The following CNTN4 variants were observed in gnomAD, a reference collection of about 807,000 sequenced individuals.
CNTN4 encodes contactin-4.
Under a neutral mutation model 122.5 loss-of-function variants are expected in CNTN4, and 77 were observed. That is an observed-to-expected ratio of 0.63 (90% CI 0.52 to 0.76). The LOEUF (loss-of-function observed/expected upper bound fraction) is 0.76. Among genes scored for constraint, CNTN4 ranks in the 30% least tolerant of loss-of-function variants. The probability of loss-of-function intolerance (pLI) is 0.00; values close to 1 mark genes in which losing one functional copy is unlikely to be tolerated. For missense variants in CNTN4, 1,256 were observed against 1,259.1 expected (o/e 1.00, Z 0.04); for synonymous variants, 512 against 447.0 (o/e 1.15, Z -1.83).
intron 13 of CNTN4, among the ~76,000 whole-genome samples, chr3:2,958,158 C>A (rs796515285): frequency 1.6e-4 from 25 of 152,270 alleles, no homozygotes; most frequent in African/African-American, 6.0e-4. Flanking sequence ...AACAGAAAAT[C>A]TCCATGCTTC....
Position 2,298,679 on chromosome 3 carries a change from G to T in CNTN4, c.-144-40499G>T, listed in dbSNP as rs559689475. On this transcript the variant is annotated intron_variant, in intron 2 of 24. Transcript: ENST00000418658. ...ATATAGCTACATTTCAACCAAAAAA[G>T]TATTGTGTATGAAATATATATTCTA... Among the ~76,000 whole-genome samples the T allele has an allele frequency of 7.2e-5, 11 of 152,180 alleles. No individual in the cohort carries two copies. The South Asian group carries it at 2.3e-3, about 32-fold the overall frequency.
chr3:2,349,704 G>A (rs2044535326), intron 3 of CNTN4, among the ~76,000 whole-genome samples: 1 of 152,148 alleles, frequency 6.6e-6, no homozygotes, highest in Non-Finnish European at 1.5e-5. Context: ...CAGAATATTA[G>A]CATAGCTCTG....
rs540207182 is a variant in CNTN4 at position 2,358,496 on chromosome 3, G to A, written c.-89+19263G>A. On this transcript the variant is annotated intron_variant, in intron 3 of 24. Transcript: ENST00000418658. Reference sequence around the variant, plus strand: ...GCATCTAGAATGCTCTTGGTGACTGGAATAAGTTTTAATTGTAATCAAAAC... The same window carrying A: ...GCATCTAGAATGCTCTTGGTGACTGAAATAAGTTTTAATTGTAATCAAAAC... Among the ~76,000 whole-genome samples, 17 of 151,708 alleles carry A rather than the reference G, an allele frequency of 1.1e-4. No homozygotes were observed. The South Asian group carries it at 3.6e-3, about 32-fold the overall frequency.
intron 12 of CNTN4, among the ~76,000 whole-genome samples, chr3:2,924,861 A>G (rs2094458444): frequency 6.6e-6 from 1 of 152,192 alleles, no homozygotes; most frequent in Admixed American, 6.5e-5. Context: ...GTTCTCTAAT[A>G]GAGATATATA....
chr3:2,931,652 A>G (rs2094521432), intron 13 of CNTN4, among the ~76,000 whole-genome samples: 1 of 152,282 alleles, frequency 6.6e-6, no homozygotes, highest in African/African-American at 2.4e-5. Flanking sequence ...TTTTAGAGAC[A>G]GAGTCTTGCT....
At chr3:2,460,119 G>T (rs1333678962) in intron 3 of CNTN4, among the ~76,000 whole-genome samples, 1 of 151,846 alleles carries the variant, frequency 6.6e-6, no homozygotes, top group Non-Finnish European at 1.5e-5. Flanking sequence ...TAGAGTTAAA[G>T]GTCTTTCACT....
At chr3:2,480,461 C>A (rs1228009255) in intron 3 of CNTN4, among the ~76,000 whole-genome samples, 1 of 152,106 alleles carries the variant, frequency 6.6e-6, no homozygotes, top group African/African-American at 2.4e-5. Flanking sequence ...GACTGACTTT[C>A]CTGTATATCA....
chr3:2,251,449 A>AGGG (rs1327019454), intron 2 of CNTN4, among the ~76,000 whole-genome samples: 1 of 151,944 alleles, frequency 6.6e-6, no homozygotes, highest in Non-Finnish European at 1.5e-5. Context: ...GTCTGGAAAC[A>AGGG]GGGCTTTCAG....
intron 15 of CNTN4, among the ~76,000 whole-genome samples, chr3:3,027,255 T>C (rs975358196): frequency 6.6e-6 from 1 of 152,208 alleles, no homozygotes; most frequent in Non-Finnish European, 1.5e-5. Context: ...TCAATGACTG[T>C]TGTCTCAGTT....
At chr3:2,932,896 C>A (rs910364499) in intron 13 of CNTN4, among the ~76,000 whole-genome samples, 6 of 152,054 alleles carry the variant, frequency 3.9e-5, no homozygotes, top group Non-Finnish European at 8.8e-5. Flanking sequence ...GATCTCGGCT[C>A]CCTGCGAGCT....
At chr3:2,788,888 C>G (rs1256897900) in intron 6 of CNTN4, among the ~76,000 whole-genome samples, 1 of 152,144 alleles carries the variant, frequency 6.6e-6, no homozygotes, top group East Asian at 1.9e-4. Flanking sequence ...ATATAACAGT[C>G]AAAGACTTTG....
At chr3:2,850,116 A>G (rs2093524464) in intron 7 of CNTN4, among the ~76,000 whole-genome samples, 1 of 151,422 alleles carries the variant, frequency 6.6e-6, no homozygotes. Context: ...CAGCCTCCCG[A>G]ATAGCTGGGA....
chr3:3,053,788 G>C lies in CNTN4; in HGVS notation c.2812-19G>C. 3 of 1,613,976 alleles carry C rather than the reference G, an allele frequency of 1.9e-6. No homozygotes were observed. The highest frequency in any genetic ancestry group is 2.5e-6 in the Non-Finnish European group (3 of 1,179,830). On this transcript the variant is annotated intron_variant, in intron 23 of 24. Coordinates refer to ENST00000418658, the MANE Select transcript of CNTN4 (RefSeq NM_175607.3). ...TTTGTGAAGACGGCAGGTGACACCT[G>C]TTCTTTCTGTATTGGCAGGTCTTGT...
At chr3:2,444,094 T>C (rs992324655) in intron 3 of CNTN4, among the ~76,000 whole-genome samples, 1 of 152,154 alleles carries the variant, frequency 6.6e-6, no homozygotes, top group African/African-American at 2.4e-5. Flanking sequence ...ATTTACATGT[T>C]CTTTTTAAGG....
chr3:2,895,870 T>C (rs935489104), intron 10 of CNTN4, among the ~76,000 whole-genome samples: 4 of 152,044 alleles, frequency 2.6e-5, no homozygotes, highest in East Asian at 3.9e-4. Flanking sequence ...CCGTCTCTAC[T>C]AAAAATACAA....
intron 2 of CNTN4, among the ~76,000 whole-genome samples, chr3:2,334,397 G>T (rs149958824): frequency 6.6e-6 from 1 of 152,240 alleles, no homozygotes; most frequent in African/African-American, 2.4e-5. Context: ...TACCTCAAGT[G>T]ATCTGCCCCC....
chr3:2,521,338 A>ACACATCG (rs2077205491), intron 3 of CNTN4, among the ~76,000 whole-genome samples: 1 of 83,330 alleles, frequency 1.2e-5, no homozygotes, highest in African/African-American at 5.3e-5. Context: ...GTGGACCTCT[A>ACACATCG]CCCATCCCCC....
intron 2 of CNTN4, among the ~76,000 whole-genome samples, chr3:2,287,228 C>T (rs962303086): frequency 1.3e-5 from 2 of 152,144 alleles, no homozygotes. Context: ...CATTGTAACT[C>T]TAGCATACAA....
chr3:2,799,054 C>A (rs539191924), intron 6 of CNTN4, among the ~76,000 whole-genome samples: 2 of 152,286 alleles, frequency 1.3e-5, no homozygotes, highest in East Asian at 3.9e-4. Context: ...AAGATGATAT[C>A]TCAGTATAAT....
Sources: allele counts gnomAD v4.1 joint callset (sites outside exome capture counted in the v4.1 genomes callset), GRCh38; gene constraint gnomAD v4.1.1; transcripts MANE v1.5; gene names NCBI Gene and HGNC (gene_info 2026-07-23, HGNC 2026-07-21).